Variants in SGCZ observed in about 807,000 individuals in gnomAD.
SGCZ encodes zeta-sarcoglycan.
SGCZ carries 40 observed loss-of-function variants against 41.3 expected under a neutral mutation model. The observed-to-expected ratio is 0.97, with a 90% CI of 0.75 to 1.26. SGCZ has a LOEUF of 1.26. Among genes scored for constraint, SGCZ ranks in the 50% most tolerant of loss-of-function variants. The pLI, the probability that SGCZ is intolerant of heterozygous loss-of-function variation, is 0.00. For missense variants in SGCZ, 552 were observed against 369.8 expected, an observed-to-expected ratio of 1.49 and a Z score of -4.04; for synonymous variants, 206 against 137.5, an observed-to-expected ratio of 1.50 and a Z score of -3.49.
At chr8:14,943,564 G>C (rs1297954939) in intron 1 of SGCZ, among the ~76,000 whole-genome samples, 1 of 152,084 alleles carries the variant, frequency 6.6e-6, no homozygotes, top group African/African-American at 2.4e-5. Context: ...TGCATTGCCT[G>C]TTTTCTTTGT....
chr8:14,909,559 G>A (rs1799223189), intron 1 of SGCZ, among the ~76,000 whole-genome samples: 1 of 151,742 alleles, frequency 6.6e-6, no homozygotes, highest in African/African-American at 2.4e-5. Context: ...CTATTTTTTA[G>A]TAAATTTTAT....
chr8:15,059,961 C>G (rs1045174292), intron 1 of SGCZ, among the ~76,000 whole-genome samples: 8 of 152,120 alleles, frequency 5.3e-5, no homozygotes, highest in Non-Finnish European at 1.2e-4. Flanking sequence ...AGTCCCTGAA[C>G]AAGAGTTCTT....
rs1233611009 is a variant in SGCZ, at chr8:14,449,829, T to C, written c.234+104903A>G. ...ACAAAGTACCTGATGTAATGGAAGG[T>C]CCAAGAACTGCAACTGAGATGAATT... On this transcript the variant is annotated intron_variant, in intron 2 of 7. Coordinates refer to ENST00000382080, the MANE Select transcript of SGCZ (RefSeq NM_139167.4). Among the ~76,000 whole-genome samples the C allele has an allele frequency of 2.0e-5, 3 of 152,162 alleles. No individual in the cohort carries two copies. In the East Asian group the frequency reaches 5.8e-4, roughly 29 times the overall value.
chr8:14,461,013 T>G (rs1800886760), intron 2 of SGCZ, among the ~76,000 whole-genome samples: 1 of 152,150 alleles, frequency 6.6e-6, no homozygotes, highest in Admixed American at 6.5e-5. Flanking sequence ...TGTTACTTTT[T>G]CTTCTCATCC....
intron 1 of SGCZ, among the ~76,000 whole-genome samples, chr8:14,846,185 C>T (rs540426752): frequency 2.6e-5 from 4 of 152,132 alleles, no homozygotes; most frequent in South Asian, 4.2e-4. Context: ...ACCAACTTGC[C>T]TAATTTATGT....
chr8:15,185,731 G>C (rs1482978884), intron 1 of SGCZ, among the ~76,000 whole-genome samples: 1 of 152,078 alleles, frequency 6.6e-6, no homozygotes, highest in Non-Finnish European at 1.5e-5. Flanking sequence ...TACATACTCA[G>C]ACAGACTACA....
chr8:14,752,466 CTTTT>C (rs1415805326), intron 1 of SGCZ, among the ~76,000 whole-genome samples: 1 of 152,100 alleles, frequency 6.6e-6, no homozygotes, highest in Non-Finnish European at 1.5e-5. Context: ...TCATTATTCT[CTTTT>C]TATTTAAATC....
intron 1 of SGCZ, among the ~76,000 whole-genome samples, chr8:14,583,907 T>C (rs1585100122): frequency 6.6e-6 from 1 of 152,180 alleles, no homozygotes; most frequent in Admixed American, 6.6e-5. Context: ...TTTCCCATTT[T>C]GAGGTATGCA....
intron 1 of SGCZ, among the ~76,000 whole-genome samples, chr8:14,926,834 T>A (rs1799768888): frequency 1.3e-5 from 2 of 151,792 alleles, no homozygotes; most frequent in Admixed American, 1.3e-4. Context: ...AGAGACAGGG[T>A]TTCACCATGT....
intron 1 of SGCZ, among the ~76,000 whole-genome samples, chr8:14,800,312 A>G (rs566936693): frequency 4.6e-5 from 7 of 152,340 alleles, no homozygotes; most frequent in Admixed American, 1.3e-4. Context: ...AATTTTTTTA[A>G]TACTTAACCT....
chr8:14,692,440 C>T (rs1313316540), intron 1 of SGCZ, among the ~76,000 whole-genome samples: 3 of 152,226 alleles, frequency 2.0e-5, no homozygotes, highest in Admixed American at 2.0e-4. Flanking sequence ...ATAATACCTA[C>T]ATACTATAAT....
At chr8:14,450,458 G>A (rs1454770579) in intron 2 of SGCZ, among the ~76,000 whole-genome samples, 1 of 152,184 alleles carries the variant, frequency 6.6e-6, no homozygotes, top group African/African-American at 2.4e-5. Flanking sequence ...TAACTTGAAA[G>A]TGTAAGAGAA....
chr8:14,260,251 C>A (rs1049686639), intron 3 of SGCZ, among the ~76,000 whole-genome samples: 98 of 151,662 alleles, frequency 6.5e-4, no homozygotes, highest in African/African-American at 2.0e-3. Context: ...AATTTACAAG[C>A]AAAAAACAAA....
intron 7 of SGCZ, among the ~76,000 whole-genome samples, chr8:14,092,334 GT>G (rs1801711654): frequency 6.6e-6 from 1 of 151,974 alleles, no homozygotes; most frequent in Non-Finnish European, 1.5e-5. Context: ...ATTTAAAGTA[GT>G]TTTTTCCAGT....
intron 1 of SGCZ, among the ~76,000 whole-genome samples, chr8:15,178,788 G>A (rs929725061): frequency 1.5e-4 from 19 of 128,416 alleles, no homozygotes; most frequent in Non-Finnish European, 2.0e-4. Context: ...GCAAAGTTAC[G>A]AAGTGCAGGG....
intron 2 of SGCZ, among the ~76,000 whole-genome samples, chr8:14,443,215 T>A (rs986483741): frequency 6.6e-6 from 1 of 152,048 alleles, no homozygotes; most frequent in Admixed American, 6.6e-5. Context: ...GAATCAATAT[T>A]GTGAAAATGG....
chr8:14,581,279 T>C (rs1360320119), intron 1 of SGCZ, among the ~76,000 whole-genome samples: 1 of 152,052 alleles, frequency 6.6e-6, no homozygotes, highest in African/African-American at 2.4e-5. Context: ...GCCTGATTTT[T>C]GTATTTTTAT....
At chr8:15,012,511 T>C (rs1032949561) in intron 1 of SGCZ, among the ~76,000 whole-genome samples, 1 of 132,802 alleles carries the variant, frequency 7.5e-6, no homozygotes, top group Non-Finnish European at 1.6e-5. Context: ...TATAAATATA[T>C]ATTTATACAT....
At chr8:14,779,469 C>T (rs1800516655) in intron 1 of SGCZ, among the ~76,000 whole-genome samples, 2 of 152,184 alleles carry the variant, frequency 1.3e-5, no homozygotes, top group East Asian at 3.8e-4. Context: ...CGACCCTAAC[C>T]TCATGAGAGA....
Sources: allele counts gnomAD v4.1 joint callset (sites outside exome capture counted in the v4.1 genomes callset), GRCh38; gene constraint gnomAD v4.1.1; transcripts MANE v1.5; gene names NCBI Gene and HGNC (gene_info 2026-07-23, HGNC 2026-07-21).